PRKN: variants seen among roughly 807,000 people sequenced by gnomAD.
PRKN encodes parkin RBR E3 ubiquitin protein ligase.
PRKN carries 56 observed loss-of-function variants against 59.5 expected under a neutral mutation model. The observed-to-expected ratio is 0.94, with a 90% CI of 0.76 to 1.18. PRKN has a LOEUF of 1.18. Among genes scored for constraint, PRKN ranks in the 50% most tolerant of loss-of-function variants. The pLI is 0.00. For synonymous variants in PRKN, 250 were observed against 222.1 expected, an observed-to-expected ratio of 1.13 and a Z score of -1.12; for missense variants, 657 against 596.4, an observed-to-expected ratio of 1.10 and a Z score of -1.06.
At chr6:161,972,632 C>T (rs982941356) in intron 6 of PRKN, among the ~76,000 whole-genome samples, 3 of 152,176 alleles carry the variant, frequency 2.0e-5, no homozygotes, top group African/African-American at 4.8e-5. Flanking sequence ...TGAATGTGTG[C>T]GAAGCCTCAG....
chr6:161,884,807 TAC>T (rs1795071191), intron 6 of PRKN, among the ~76,000 whole-genome samples: 1 of 151,174 alleles, frequency 6.6e-6, no homozygotes, highest in African/African-American at 2.4e-5. Context: ...ATTTATTGTC[TAC>T]ACAAAGGGTC....
chr6:162,283,741 G>A lies in PRKN; in HGVS notation c.172-20976C>T, dbSNP rs146582339. Among the ~76,000 whole-genome samples the A allele has an allele frequency of 2.3e-3, 354 of 152,116 alleles. 5 individuals carry two copies. Among genetic ancestry groups the A allele is most frequent in the African/African-American group, 8.3e-3 (344 of 41,502 alleles). The stretch of plus-strand genomic sequence containing the variant: ...TCGCCATATTGGCCAGGCTGGTCTC[G>A]AACTCCTGACCTCAAGTGATTCACC... On this transcript the variant is annotated intron_variant, in intron 2 of 11. Coordinates refer to ENST00000366898, the MANE Select transcript of PRKN (RefSeq NM_004562.3).
At chr6:162,029,090 G>T (rs1345637080) in intron 5 of PRKN, among the ~76,000 whole-genome samples, 1 of 152,054 alleles carries the variant, frequency 6.6e-6, no homozygotes, top group Non-Finnish European at 1.5e-5. Flanking sequence ...GAACTCCTGT[G>T]GCAGGCCAGT....
At chr6:162,031,518 T>C (rs918507656) in intron 5 of PRKN, among the ~76,000 whole-genome samples, 1 of 149,024 alleles carries the variant, frequency 6.7e-6, no homozygotes, top group Non-Finnish European at 1.5e-5. Context: ...AAGAGTCACT[T>C]TTCTTTTTCT....
chr6:162,382,816 C>T (rs370550305), intron 2 of PRKN, among the ~76,000 whole-genome samples: 2 of 152,196 alleles, frequency 1.3e-5, no homozygotes, highest in African/African-American at 4.8e-5. Context: ...CTCTCAAACC[C>T]TCTCAAAGCC....
At chr6:161,667,069 G>T (rs1184808194) in intron 7 of PRKN, among the ~76,000 whole-genome samples, 2 of 152,194 alleles carry the variant, frequency 1.3e-5, no homozygotes, top group African/African-American at 4.8e-5. Context: ...CACAGCCAAG[G>T]AAAGTCTGGC....
intron 10 of PRKN, among the ~76,000 whole-genome samples, chr6:161,366,043 T>C (rs1027211502): frequency 6.6e-6 from 1 of 152,226 alleles, no homozygotes; most frequent in Non-Finnish European, 1.5e-5. Context: ...ATCGATATGT[T>C]GAAATCCTAC....
At position 162,377,181 on chromosome 6, in the gene PRKN, G is replaced by A. The variant is rs534939704; in HGVS notation, c.171+66129C>T. Among the ~76,000 whole-genome samples the A allele has an allele frequency of 4.6e-5, 7 of 152,284 alleles. No homozygotes were observed. In the South Asian group the frequency reaches 1.5e-3, roughly 32 times the overall value. On this transcript the variant is annotated intron_variant, in intron 2 of 11. Coordinates refer to ENST00000366898, the MANE Select transcript of PRKN (RefSeq NM_004562.3). The stretch of plus-strand genomic sequence containing the variant: ...GCCAATACCCTCTAAAGTAATAAAA[G>A]TGTATTTCTGCTCCGAGTAACTTGG...
At chr6:162,720,288 C>T (rs1320150973) in intron 1 of PRKN, among the ~76,000 whole-genome samples, 1 of 152,162 alleles carries the variant, frequency 6.6e-6, no homozygotes, top group Non-Finnish European at 1.5e-5. Flanking sequence ...AGGCTGCTAA[C>T]TATTGAACAT....
rs997434411 is a variant in PRKN, at chr6:161,680,886, A to C, written c.871+104886T>G. ...CTTTAATACAACTGCAAAAAGTCAC[A>C]AAGTGGAAAAAGGGCAGAATTGAAA... On this transcript the variant is annotated intron_variant, in intron 7 of 11. Coordinates refer to ENST00000366898, the MANE Select transcript of PRKN (RefSeq NM_004562.3). Among the ~76,000 whole-genome samples, 7 of 151,376 alleles carry C rather than the reference A, an allele frequency of 4.6e-5. No individual in the cohort carries two copies. In the East Asian group the frequency reaches 1.2e-3, roughly 25 times the overall value.
rs891243567 is a variant in PRKN at position 162,368,777 on chromosome 6, T to G, written c.171+74533A>C. ...TCAACTCTTCAACGTCCTTCAAATA[T>G]TTTCTCTAATTGATATAGCATAATT... is the stretch of plus-strand genomic sequence containing the variant. On this transcript the variant is annotated intron_variant, in intron 2 of 11. Coordinates refer to ENST00000366898, the MANE Select transcript of PRKN (RefSeq NM_004562.3). Among the ~76,000 whole-genome samples, 4 of 152,188 alleles carry G rather than the reference T, an allele frequency of 2.6e-5. No homozygotes were observed. In the South Asian group the frequency reaches 8.3e-4, roughly 32 times the overall value.
rs1401479301 is a variant in PRKN, at chr6:161,457,957, C to A, written c.1084-71080G>T. On this transcript the variant is annotated intron_variant, in intron 9 of 11. Transcript: ENST00000366898. The surrounding 1 kb of genome is among the most constrained non-coding windows in gnomAD (Gnocchi z 5.0). Reference sequence around the variant, plus strand: ...GATTTGGTGTTTCAAGGGTTGTGGGCTTTTATGGGACACAAGCTGAACTGT... The same window carrying A: ...GATTTGGTGTTTCAAGGGTTGTGGGATTTTATGGGACACAAGCTGAACTGT... Among the ~76,000 whole-genome samples the A allele has an allele frequency of 1.3e-5, 2 of 152,122 alleles. No homozygotes were observed. The highest frequency in any genetic ancestry group is 6.5e-5 in the Admixed American group (1 of 15,270).
intron 1 of PRKN, among the ~76,000 whole-genome samples, chr6:162,718,284 T>G (rs1778802686): frequency 6.6e-6 from 1 of 152,202 alleles, no homozygotes; most frequent in African/African-American, 2.4e-5. Flanking sequence ...ATAACTTGCA[T>G]TCTATTAAGC....
chr6:161,755,148 G>A (rs374428052), intron 7 of PRKN, among the ~76,000 whole-genome samples: 16 of 152,276 alleles, frequency 1.1e-4, no homozygotes, highest in African/African-American at 3.6e-4. Context: ...GCGTGTGACA[G>A]TTTTCTCAGG....
chr6:161,500,125 CTT>C (rs1400958304), intron 9 of PRKN, among the ~76,000 whole-genome samples: 1 of 152,062 alleles, frequency 6.6e-6, no homozygotes, highest in African/African-American at 2.4e-5. Context: ...TGTGTCAAAA[CTT>C]TTAGAATTTT....
intron 4 of PRKN, among the ~76,000 whole-genome samples, chr6:162,152,291 C>A (rs1046581312): frequency 2.4e-4 from 36 of 152,218 alleles, no homozygotes; most frequent in African/African-American, 7.7e-4. Context: ...CCAAATTTTC[C>A]AAATCCTTCC....
At chr6:161,762,415 G>A (rs1411732253) in intron 7 of PRKN, among the ~76,000 whole-genome samples, 2 of 152,038 alleles carry the variant, frequency 1.3e-5, no homozygotes, top group African/African-American at 2.4e-5. Context: ...GACCCAGAAG[G>A]GTTAAGTCAG....
intron 1 of PRKN, among the ~76,000 whole-genome samples, chr6:162,603,158 G>A (rs1338114604): frequency 6.6e-6 from 1 of 152,134 alleles, no homozygotes; most frequent in Non-Finnish European, 1.5e-5. Context: ...GTATATTACT[G>A]TTGAGTGACA....
rs371662382 is a variant in PRKN at position 161,861,628 on chromosome 6, A to C, written c.735-75720T>G. Reference sequence around the variant, plus strand: ...AAGTATAAACATTCAAAAAAAAAAAAAAAAACCTTAGAGTCGTCAGTTGCA... The same window carrying C: ...AAGTATAAACATTCAAAAAAAAAAACAAAAACCTTAGAGTCGTCAGTTGCA... On this transcript the variant is annotated intron_variant, in intron 6 of 11. Coordinates refer to ENST00000366898, the MANE Select transcript of PRKN (RefSeq NM_004562.3). 6.6e-3 allele frequency among the ~76,000 whole-genome samples: 1,007 copies of C among 152,112 alleles called. 9 individuals are homozygous for C. Among genetic ancestry groups the C allele is most frequent in the African/African-American group, 0.023 (954 of 41,490 alleles).
Sources: gnomAD v4.1 joint callset for allele counts (sites outside exome capture counted in the v4.1 genomes callset) on GRCh38, gnomAD v4.1.1 for gene constraint, Gnocchi (gnomAD v3.1) non-coding constraint, MANE v1.5 for transcripts, NCBI Gene and HGNC (gene_info 2026-07-23, HGNC 2026-07-21) for gene names.